POGZ: variants seen among roughly 807,000 people sequenced by gnomAD.
POGZ encodes the protein pogo transposable element derived with ZNF domain, also known as pogo transposable element with ZNF domain.
A neutral mutation model predicts 134.6 loss-of-function variants in POGZ; 17 were observed. The observed-to-expected ratio is 0.13, with a 90% CI of 0.09 to 0.19. The LOEUF is 0.19. Ranked by LOEUF, POGZ falls within the 10% of genes least tolerant of loss-of-function variation. POGZ has a pLI of 1.00. For synonymous variants in POGZ, 693 were observed against 657.1 expected, an observed-to-expected ratio of 1.05 and a Z score of -0.84; for missense variants, 1,306 against 1,769.7, an observed-to-expected ratio of 0.74 and a Z score of 4.70.
intron 7 of POGZ, chr1:151,426,236 G>C (rs954183298): frequency 6.6e-6 from 1 of 150,910 alleles, no homozygotes; most frequent in East Asian, 1.9e-4. Context: ...GCCCAGACTG[G>C]AGTGCAGTGG....
intron 3 of POGZ, among the ~76,000 whole-genome samples, chr1:151,436,287 A>G (rs1571504232): frequency 6.6e-6 from 1 of 151,928 alleles, no homozygotes; most frequent in East Asian, 1.9e-4. Context: ...TCGCCCTCAA[A>G]AGAAACCTCA....
chr1:151,449,769 G>A (rs1295731088), intron 1 of POGZ, among the ~76,000 whole-genome samples: 4 of 151,998 alleles, frequency 2.6e-5, no homozygotes, highest in East Asian at 1.9e-4. Context: ...GGTGGCGGCC[G>A]CCTGTAATCC....
chr1:151,417,845 G>C (rs1341052942), intron 10 of POGZ, among the ~76,000 whole-genome samples: 4 of 152,000 alleles, frequency 2.6e-5, no homozygotes, highest in Non-Finnish European at 5.9e-5. Context: ...CAAAATATTA[G>C]CATGTAAAAA....
At position 151,406,073 on chromosome 1, in the gene POGZ, T is replaced by C; in HGVS notation, c.2962A>G (p.Asn988Asp). Residue 988 changes from asparagine to aspartate, a missense_variant, in exon 19 of 19, where the codon AAT becomes GAT. By Grantham distance (23) the Asn-to-Asp change is conservative. Around this residue, in one of 10 missense-constraint regions of POGZ, gnomAD observed 214 missense variants for 255.5 expected, o/e 0.84. Transcript: ENST00000271715. ...LRVVLFALCC[N>D]TEQAAEHFRN... is the part of the protein sequence containing the mutation. ...AAGTGTTCAGCTGCCTGTTCTGTAT[T>C]GCAGCATAGAGCAAACAGTACTACT... is the stretch of plus-strand genomic sequence containing the variant. 2 of 1,614,218 alleles carry C rather than the reference T, an allele frequency of 1.2e-6. No individual in the cohort carries two copies. The highest frequency in any genetic ancestry group is 2.2e-5 in the South Asian group (2 of 91,084).
chr1:151,417,065 G>C (rs11204807), intron 10 of POGZ, among the ~76,000 whole-genome samples: 96,871 of 150,876 alleles, frequency 0.64, 34,644 homozygotes, highest in Non-Finnish European at 0.82. Context: ...AATTCTGTTA[G>C]ATCTTTTTTT....
chr1:151,403,064 G>T lies in POGZ; in HGVS notation c.*1738C>A. On this transcript the variant is annotated 3_prime_UTR_variant, in exon 19 of 19. Transcript: ENST00000271715. Reference sequence around the variant, plus strand: ...AAAGTCCATTGTCTGTCAATAAAATGGCATCAGGCAAAAAGCTGGGGAAGA... The same window carrying T: ...AAAGTCCATTGTCTGTCAATAAAATTGCATCAGGCAAAAAGCTGGGGAAGA... 1 of 209,880 alleles carries T rather than the reference G, an allele frequency of 4.8e-6. No homozygotes were observed. Among genetic ancestry groups the T allele is most frequent in the African/African-American group, 2.4e-5 (1 of 42,526 alleles). 13.0% of individuals were successfully genotyped at this position (209,880 alleles called of 1,614,324 possible).
intron 7 of POGZ, 35 bp downstream of exon 7, chr1:151,427,788 T>G (rs758778490): frequency 3.7e-6 from 5 of 1,349,330 alleles, no homozygotes; most frequent in Non-Finnish European, 5.3e-6. Context: ...TGTTTTTGAA[T>G]GACTGGCTGC....
At chr1:151,439,902 A>G (rs1182497086) in intron 3 of POGZ, among the ~76,000 whole-genome samples, 1 of 152,204 alleles carries the variant, frequency 6.6e-6, no homozygotes, top group Non-Finnish European at 1.5e-5. Context: ...TAAAAATAGC[A>G]ATATACCCTC....
At chr1:151,444,602 A>C (rs1171241782) in intron 1 of POGZ, among the ~76,000 whole-genome samples, 1 of 152,194 alleles carries the variant, frequency 6.6e-6, no homozygotes, top group Non-Finnish European at 1.5e-5. Flanking sequence ...CACATATGAA[A>C]ACTTTGATTT....
At chr1:151,430,305 A>G (rs1036102072) in intron 4 of POGZ, among the ~76,000 whole-genome samples, 2 of 152,162 alleles carry the variant, frequency 1.3e-5, no homozygotes, top group Admixed American at 1.3e-4. Context: ...AATTACATAC[A>G]TACATCTCCA....
intron 17 of POGZ, 29 bp from the exon 18 acceptor site, chr1:151,406,660 T>C (rs764536738): frequency 6.3e-7 from 1 of 1,596,654 alleles, no homozygotes; most frequent in Non-Finnish European, 8.5e-7. Context: ...CAAAAATAGT[T>C]AGCTCAGTGA....
chr1:151,423,275 GAA>G, intron 10 of POGZ, 120 bp downstream of exon 10: 1 of 802,228 alleles, frequency 1.2e-6, no homozygotes, highest in Non-Finnish European at 2.0e-6. Context: ...CTACAAATAT[GAA>G]AAGTACTTCC....
At chr1:151,410,845 C>A (rs2479385) in intron 12 of POGZ, among the ~76,000 whole-genome samples, 1 of 152,104 alleles carries the variant, frequency 6.6e-6, no homozygotes, top group African/African-American at 2.4e-5. Context: ...AAGACAGAAT[C>A]TTAGGCACTA....
intron 10 of POGZ, among the ~76,000 whole-genome samples, chr1:151,419,040 A>G (rs940279979): frequency 3.2e-4 from 46 of 145,808 alleles, no homozygotes; most frequent in Admixed American, 6.7e-4. Flanking sequence ...AAAAAAAAAA[A>G]AAAAAAGAAA....
intron 12 of POGZ, among the ~76,000 whole-genome samples, chr1:151,409,079 G>GA (rs2102171365): frequency 6.6e-6 from 1 of 152,222 alleles, no homozygotes; most frequent in East Asian, 1.9e-4. Context: ...ATCCTTTCCT[G>GA]ACTTGTTTTA....
chr1:151,442,121 A>C lies in POGZ; in HGVS notation c.84T>G (p.Ser28=), dbSNP rs1660630395. The C allele has an allele frequency of 3.7e-6, 6 of 1,606,694 alleles. No homozygotes were observed. Among genetic ancestry groups the C allele is most frequent in the Non-Finnish European group, 4.3e-6 (5 of 1,173,242 alleles). The part of the protein sequence containing the change: ...WQKISDVIED[S]VVEDYNSVDK... ...CCACTGAATTATAATCTTCAACTAC[A>C]GAGTCCTCAATGACATCACTGATTT... is the stretch of plus-strand genomic sequence containing the variant. The change falls in exon 2 of 19, where the codon TCT becomes TCG. Residue 28 remains serine (S), a synonymous_variant. Coordinates refer to ENST00000271715, the MANE Select transcript of POGZ (RefSeq NM_015100.4).
intron 3 of POGZ, among the ~76,000 whole-genome samples, chr1:151,437,341 T>G (rs1219457037): frequency 6.6e-6 from 1 of 152,212 alleles, no homozygotes; most frequent in Admixed American, 6.5e-5. Flanking sequence ...GCTCTGTTTT[T>G]GTATTTGGTT....
intron 10 of POGZ, among the ~76,000 whole-genome samples, chr1:151,413,277 A>G (rs543019557): frequency 6.6e-6 from 1 of 151,746 alleles, no homozygotes; most frequent in African/African-American, 2.4e-5. Flanking sequence ...ACCATGCCCA[A>G]GTAATTAAAA....
chr1:151,429,396 G>A (rs1658332090), intron 5 of POGZ: 1 of 343,178 alleles, frequency 2.9e-6, no homozygotes, highest in African/African-American at 2.1e-5. Context: ...ATGAAGGGTG[G>A]TGAAAAGCTA....
Sources: gnomAD v4.1 joint callset for allele counts (sites outside exome capture counted in the v4.1 genomes callset) on GRCh38, gnomAD v4.1.1 for gene constraint, gnomAD v4.1.1 regional missense constraint, MANE v1.5 for transcripts, NCBI Gene and HGNC (gene_info 2026-07-23, HGNC 2026-07-21) for gene names.